The following FOXP1 variants were observed in gnomAD, a reference collection of about 807,000 sequenced individuals.
The protein encoded by FOXP1 is forkhead box protein P1.
FOXP1 carries 15 observed loss-of-function variants against 98.2 expected under a neutral mutation model. That is an observed-to-expected ratio of 0.15 (90% CI 0.10 to 0.24). The LOEUF (loss-of-function observed/expected upper bound fraction) is 0.24, where lower values mean the gene tolerates loss of function less well. Among genes scored for constraint, FOXP1 ranks in the 10% least tolerant of loss-of-function variants. The pLI is 1.00. For missense variants in FOXP1, 633 were observed against 848.5 expected, an observed-to-expected ratio of 0.75 and a Z score of 3.15; for synonymous variants, 371 against 314.5, an observed-to-expected ratio of 1.18 and a Z score of -1.90.
chr3:71,216,929 G>C (rs1033172583), intron 5 of FOXP1, among the ~76,000 whole-genome samples: 7 of 152,182 alleles, frequency 4.6e-5, no homozygotes, highest in Non-Finnish European at 8.8e-5. Flanking sequence ...GTGGGGAGAG[G>C]CTGGGGATGC....
chr3:71,374,691 A>G (rs2079590663), intron 3 of FOXP1, among the ~76,000 whole-genome samples: 1 of 152,216 alleles, frequency 6.6e-6, no homozygotes, highest in Admixed American at 6.5e-5. Flanking sequence ...GTGAGAAATA[A>G]TTATTGTGCA....
chr3:71,004,806 G>A (rs1370369656), intron 12 of FOXP1, among the ~76,000 whole-genome samples: 1 of 152,038 alleles, frequency 6.6e-6, no homozygotes, highest in Non-Finnish European at 1.5e-5. Context: ...GACAAGCTTT[G>A]GAATATTTTC....
At chr3:71,412,967 G>A (rs756748125) in intron 3 of FOXP1, among the ~76,000 whole-genome samples, 1 of 152,086 alleles carries the variant, frequency 6.6e-6, no homozygotes, top group Non-Finnish European at 1.5e-5. Flanking sequence ...AAAAAAAGGA[G>A]GAATTTCAGT....
At chr3:71,212,220 G>C (rs1279968658) in intron 5 of FOXP1, among the ~76,000 whole-genome samples, 1 of 152,152 alleles carries the variant, frequency 6.6e-6, no homozygotes, top group Non-Finnish European at 1.5e-5. Flanking sequence ...ATTGGTGAAT[G>C]ATTTACGAGC....
chr3:71,531,916 A>T (rs1016030980), intron 2 of FOXP1, among the ~76,000 whole-genome samples: 3 of 152,184 alleles, frequency 2.0e-5, no homozygotes, highest in Non-Finnish European at 4.4e-5. Flanking sequence ...TGTGTACCCC[A>T]CCATTTCAGA....
intron 3 of FOXP1, among the ~76,000 whole-genome samples, chr3:71,473,284 T>C (rs551974174): frequency 1.3e-5 from 2 of 152,106 alleles, no homozygotes; most frequent in African/African-American, 2.4e-5. Flanking sequence ...AGACCCTAAA[T>C]TGTGGGTCAG....
intron 6 of FOXP1, among the ~76,000 whole-genome samples, chr3:71,141,146 T>C (rs1019671476): frequency 1.3e-5 from 2 of 151,422 alleles, no homozygotes; most frequent in African/African-American, 2.4e-5. Flanking sequence ...CAGGCGCCTG[T>C]AGTTCCAGCT....
intron 6 of FOXP1, among the ~76,000 whole-genome samples, chr3:71,120,205 C>T (rs2107808932): frequency 6.6e-6 from 1 of 152,298 alleles, no homozygotes; most frequent in Admixed American, 6.5e-5. Context: ...GTTTGGTCTA[C>T]TCTATGATAC....
At chr3:70,959,416 G>A (rs1185745879) in intron 20 of FOXP1, 25 bp from the exon 21 acceptor site, 8 of 1,613,950 alleles carry the variant, frequency 5.0e-6, no homozygotes, top group Non-Finnish European at 6.8e-6. Flanking sequence ...CAGAGGTTCA[G>A]TGAGGGTACT....
intron 18 of FOXP1, chr3:70,971,987 A>G: frequency 1.5e-6 from 2 of 1,360,624 alleles, no homozygotes; most frequent in Non-Finnish European, 1.9e-6. Context: ...GAAAAAAAAA[A>G]CAAAAGCAAG....
At chr3:71,014,592 C>T (rs115704063) in intron 12 of FOXP1, among the ~76,000 whole-genome samples, 2 of 152,088 alleles carry the variant, frequency 1.3e-5, no homozygotes, top group African/African-American at 2.4e-5. Context: ...GGCGATTCCT[C>T]GAGGATCTAA....
chr3:71,525,502 A>G (rs2107492624), intron 2 of FOXP1, among the ~76,000 whole-genome samples: 1 of 152,312 alleles, frequency 6.6e-6, no homozygotes, highest in East Asian at 1.9e-4. Context: ...CTAGGAAGTC[A>G]AATTGTTTTA....
chr3:71,499,086 A>G (rs2041133278), intron 2 of FOXP1, among the ~76,000 whole-genome samples: 1 of 152,166 alleles, frequency 6.6e-6, no homozygotes, highest in Non-Finnish European at 1.5e-5. Context: ...TCCCCCACCC[A>G]GCTCTGTGTC....
intron 3 of FOXP1, among the ~76,000 whole-genome samples, chr3:71,365,592 A>G (rs1331530464): frequency 6.6e-6 from 1 of 152,230 alleles, no homozygotes; most frequent in African/African-American, 2.4e-5. Flanking sequence ...TAGATTTTAG[A>G]TGTCACTGGA....
intron 2 of FOXP1, among the ~76,000 whole-genome samples, chr3:71,546,692 T>A (rs2107645844): frequency 6.6e-6 from 1 of 151,802 alleles, no homozygotes; most frequent in Non-Finnish European, 1.5e-5. Context: ...TGAATGGCAC[T>A]AGCACCAGTG....
chr3:71,041,016 C>T (rs959354120), intron 11 of FOXP1, among the ~76,000 whole-genome samples: 6 of 152,176 alleles, frequency 3.9e-5, no homozygotes, highest in African/African-American at 9.7e-5. Flanking sequence ...TCAGCTTGTA[C>T]GGAGTGAGCA....
chr3:70,994,632 A>G (rs1456541598), intron 13 of FOXP1, among the ~76,000 whole-genome samples: 1 of 152,076 alleles, frequency 6.6e-6, no homozygotes, highest in South Asian at 2.1e-4. Context: ...CCACCTTACT[A>G]TCTGTATCCA....
intron 5 of FOXP1, among the ~76,000 whole-genome samples, chr3:71,281,039 C>CCAAAAAAAAAA (rs1553816158): frequency 2.4e-5 from 2 of 83,560 alleles, no homozygotes; most frequent in African/African-American, 4.6e-5. Context: ...CCCTTCTCTA[C>CCAAAAAAAAAA]AAAAAAAAAA....
At chr3:71,162,079 T>C (rs1323740374) in intron 6 of FOXP1, among the ~76,000 whole-genome samples, 1 of 152,190 alleles carries the variant, frequency 6.6e-6, no homozygotes, top group Non-Finnish European at 1.5e-5. Context: ...AGAATAATGA[T>C]AGCCACAGGC....
Sources: allele counts gnomAD v4.1 joint callset (sites outside exome capture counted in the v4.1 genomes callset), GRCh38; gene constraint gnomAD v4.1.1; transcripts MANE v1.5; gene names NCBI Gene and HGNC (gene_info 2026-07-23, HGNC 2026-07-21).